The following CAPZB variants were observed in gnomAD, a reference collection of about 807,000 sequenced individuals.
CAPZB encodes capping actin protein of muscle Z-line subunit beta.
CAPZB carries 2 observed loss-of-function variants against 38.1 expected under a neutral mutation model. That is an observed-to-expected ratio of 0.05 (90% confidence interval 0.02 to 0.17). The LOEUF (loss-of-function observed/expected upper bound fraction) is 0.17. Among genes scored for constraint, CAPZB ranks in the 10% least tolerant of loss-of-function variants. The pLI is 1.00. For synonymous variants in CAPZB, 107 were observed against 127.4 expected, an observed-to-expected ratio of 0.84 and a Z score of 1.08; for missense variants, 161 against 334.2, an observed-to-expected ratio of 0.48 and a Z score of 4.04.
chr1:19,390,612 A>T (rs1424361241), intron 2 of CAPZB, among the ~76,000 whole-genome samples: 1 of 151,978 alleles, frequency 6.6e-6, no homozygotes, highest in African/African-American at 2.4e-5. Context: ...CACCCCAGGG[A>T]GCAGGAGCCA....
At chr1:19,379,173 A>T (rs1322925031) in intron 3 of CAPZB, among the ~76,000 whole-genome samples, 1 of 145,592 alleles carries the variant, frequency 6.9e-6, no homozygotes, top group Non-Finnish European at 1.5e-5. Context: ...ATCTTGGCTC[A>T]CCACAACCTC....
chr1:19,404,331 G>T (rs2094319539), intron 2 of CAPZB, among the ~76,000 whole-genome samples: 2 of 151,126 alleles, frequency 1.3e-5, no homozygotes. Flanking sequence ...ATCACTTGAG[G>T]TCAGGAGTTT....
chr1:19,423,514 TTC>T (rs1369924652), intron 1 of CAPZB, among the ~76,000 whole-genome samples: 1 of 92,420 alleles, frequency 1.1e-5, no homozygotes, highest in African/African-American at 4.5e-5. Flanking sequence ...ATAGTGAACA[TTC>T]TTTTTTTTTT....
chr1:19,447,833 T>A (rs536560904), intron 1 of CAPZB, among the ~76,000 whole-genome samples: 1 of 152,250 alleles, frequency 6.6e-6, no homozygotes, highest in Non-Finnish European at 1.5e-5. Context: ...GCCTCTCTGA[T>A]GCACTGGTAC....
intron 2 of CAPZB, among the ~76,000 whole-genome samples, chr1:19,404,743 A>T (rs2094322508): frequency 6.6e-6 from 1 of 152,144 alleles, no homozygotes; most frequent in Non-Finnish European, 1.5e-5. Context: ...CCTCCTCCTT[A>T]AAAGGACAGC....
chr1:19,356,360 A>G lies in CAPZB; in HGVS notation c.588+275T>C, dbSNP rs1314728546. ...CTCACAGCACAACATGAGCTGAAGCATGGGGATGTGCGGGGCCCTGAGGGG... is the reference window on the plus strand; with the variant it reads ...CTCACAGCACAACATGAGCTGAAGCGTGGGGATGTGCGGGGCCCTGAGGGG... On this transcript the variant is annotated intron_variant, in intron 6 of 8. Transcript: ENST00000264202. This position sits in a 1 kb window ranked among gnomAD's most constrained non-coding sequence, Gnocchi z 4.3. Among the ~76,000 whole-genome samples, 1 of 152,120 alleles carries G rather than the reference A, an allele frequency of 6.6e-6. No homozygotes were observed. The highest frequency in any genetic ancestry group is 2.4e-5 in the African/African-American group (1 of 41,444).
At chr1:19,387,910 C>T (rs527626028) in intron 2 of CAPZB, among the ~76,000 whole-genome samples, 24 of 152,326 alleles carry the variant, frequency 1.6e-4, no homozygotes, top group Non-Finnish European at 2.9e-4. Flanking sequence ...AGGTTCCTTT[C>T]CCTTCCTTTA....
intron 1 of CAPZB, among the ~76,000 whole-genome samples, chr1:19,477,676 C>T (rs1004423132): frequency 4.6e-5 from 7 of 152,212 alleles, no homozygotes; most frequent in African/African-American, 1.4e-4. Flanking sequence ...GGCACCGGTA[C>T]CACCGGAAAA....
At chr1:19,398,544 A>C (rs1424449059) in intron 2 of CAPZB, among the ~76,000 whole-genome samples, 1 of 152,216 alleles carries the variant, frequency 6.6e-6, no homozygotes. Context: ...GTGCTAAGGC[A>C]GACTCAACAA....
intron 3 of CAPZB, among the ~76,000 whole-genome samples, chr1:19,384,244 C>T (rs2094192469): frequency 6.6e-6 from 1 of 152,174 alleles, no homozygotes; most frequent in Admixed American, 6.5e-5. Flanking sequence ...TCTCCGCCCC[C>T]ACTGCCCTCC....
intron 2 of CAPZB, among the ~76,000 whole-genome samples, chr1:19,407,434 TG>T (rs2094337500): frequency 1.3e-5 from 2 of 151,774 alleles, no homozygotes; most frequent in Non-Finnish European, 2.9e-5. Context: ...GCTCTCAAGC[TG>T]GGGAAAAGGG....
chr1:19,458,458 G>C (rs1314480323), intron 1 of CAPZB, among the ~76,000 whole-genome samples: 1 of 152,202 alleles, frequency 6.6e-6, no homozygotes, highest in Non-Finnish European at 1.5e-5. Flanking sequence ...GGGTTCAAGT[G>C]ATTCTCCTGC....
At chr1:19,447,436 T>C (rs2094500443) in intron 1 of CAPZB, among the ~76,000 whole-genome samples, 1 of 149,000 alleles carries the variant, frequency 6.7e-6, no homozygotes, top group Admixed American at 6.7e-5. Context: ...GGTTTCACCA[T>C]GTTGGCCAGG....
At position 19,339,104 on chromosome 1, in the gene CAPZB, A is replaced by T. The variant is rs978926241; in HGVS notation, c.*426T>A. ...AGCAACTCCCAAACACACACGGAATAAGATTTCCAGTTTTTCTTCTCTCTT... is the reference window on the plus strand; with the variant it reads ...AGCAACTCCCAAACACACACGGAATTAGATTTCCAGTTTTTCTTCTCTCTT... On this transcript the variant is annotated 3_prime_UTR_variant, in exon 9 of 9. Coordinates refer to ENST00000264202, the MANE Select transcript of CAPZB (RefSeq NM_004930.5). 1.2e-5 allele frequency: 2 copies of T among 170,914 alleles called. No homozygotes were observed. The highest frequency in any genetic ancestry group is 4.8e-5 in the African/African-American group (2 of 41,618). The allele number at this position is 170,914 out of a possible 1,614,324, so 10.6% of individuals were successfully genotyped here. A position where few individuals can be genotyped will look rare whatever the true frequency, so the allele number is the denominator to read the frequency against.
chr1:19,363,401 A>G (rs1056183017), intron 4 of CAPZB, among the ~76,000 whole-genome samples: 20 of 151,854 alleles, frequency 1.3e-4, no homozygotes, highest in African/African-American at 4.8e-4. Flanking sequence ...AACGTGGATC[A>G]GCTAAAAGCC....
At chr1:19,406,332 C>A (rs1044852646) in intron 2 of CAPZB, among the ~76,000 whole-genome samples, 1 of 152,192 alleles carries the variant, frequency 6.6e-6, no homozygotes, top group African/African-American at 2.4e-5. Context: ...CAGCTGGCAG[C>A]TGGGATGTTG....
At chr1:19,387,803 C>T (rs1431447170) in intron 2 of CAPZB, among the ~76,000 whole-genome samples, 1 of 152,222 alleles carries the variant, frequency 6.6e-6, no homozygotes, top group Admixed American at 6.5e-5. Context: ...GTGCCCATGC[C>T]CATGTGATTT....
chr1:19,404,750 CA>C (rs924019905), intron 2 of CAPZB, among the ~76,000 whole-genome samples: 1 of 152,158 alleles, frequency 6.6e-6, no homozygotes, highest in Non-Finnish European at 1.5e-5. Flanking sequence ...CTTAAAAGGA[CA>C]GCTCAGCAAT....
intron 4 of CAPZB, among the ~76,000 whole-genome samples, chr1:19,368,735 A>G (rs1384144254): frequency 6.7e-6 from 1 of 150,144 alleles, no homozygotes; most frequent in African/African-American, 2.5e-5. Context: ...TGGTGGGACC[A>G]TAGTTCACTG....
Sources: gnomAD v4.1 joint callset for allele counts (sites outside exome capture counted in the v4.1 genomes callset) on GRCh38, gnomAD v4.1.1 for gene constraint, Gnocchi (gnomAD v3.1) non-coding constraint, MANE v1.5 for transcripts, NCBI Gene and HGNC (gene_info 2026-07-23, HGNC 2026-07-21) for gene names.